The following GREB1L variants were observed in gnomAD, a reference collection of about 807,000 sequenced individuals.
GREB1L encodes GREB1 like retinoic acid receptor coactivator, also known as GREB1-like protein.
Under a neutral mutation model 200.8 loss-of-function variants are expected in GREB1L, and 17 were observed. That is an observed-to-expected ratio of 0.08 (90% CI 0.06 to 0.13). GREB1L has a LOEUF of 0.13. Ranked by LOEUF, GREB1L falls within the 10% of genes least tolerant of loss-of-function variation. The pLI is 1.00. For synonymous variants in GREB1L, 789 were observed against 893.0 expected (o/e 0.88, Z 2.08); for missense variants, 1,657 against 2,367.7 (o/e 0.70, Z 6.23).
chr18:21,449,495 T>C lies in GREB1L; in HGVS notation c.1394-15T>C. 1 of 1,442,090 alleles carries C rather than the reference T, an allele frequency of 6.9e-7. No individual in the cohort carries two copies. Among genetic ancestry groups the C allele is most frequent in the Non-Finnish European group, 9.3e-7 (1 of 1,073,780 alleles). 89.3% of individuals were successfully genotyped at this position (1,442,090 alleles called of 1,614,324 possible). ...GTGATTCTTTAAATTCCAGCTGTAA[T>C]TCTCTTCTATATAGGTCCTGATCAG... On this transcript the variant is annotated splice_polypyrimidine_tract_variant and intron_variant, in intron 11 of 32. Coordinates refer to ENST00000424526, the MANE Select transcript of GREB1L (RefSeq NM_001142966.3).
In GREB1L at chr18:21,524,639, C is replaced by T. The variant is rs1260106422; in HGVS notation, c.*1818C>T. 6.6e-6 allele frequency: 1 copy of T among 152,152 alleles called. No individual in the cohort carries two copies. Among genetic ancestry groups the T allele is most frequent in the Non-Finnish European group, 1.5e-5 (1 of 68,014 alleles). 9.4% of individuals were successfully genotyped at this position (152,152 alleles called of 1,614,324 possible). The stretch of plus-strand genomic sequence containing the variant: ...GGCAAATAAAATACTTGAAAGAATT[C>T]TGAAACAATTGTACCTGGGGTGGAT... On this transcript the variant is annotated 3_prime_UTR_variant, in exon 33 of 33. Coordinates refer to ENST00000424526, the MANE Select transcript of GREB1L (RefSeq NM_001142966.3).
At chr18:21,378,256 C>T (rs1482284764) in intron 2 of GREB1L, among the ~76,000 whole-genome samples, 4 of 152,304 alleles carry the variant, frequency 2.6e-5, no homozygotes, top group Non-Finnish European at 4.4e-5. Context: ...ATTACACAGA[C>T]GTCCTTTGAA....
intron 1 of GREB1L, among the ~76,000 whole-genome samples, chr18:21,244,952 A>G (rs1425959312): frequency 6.6e-6 from 1 of 152,188 alleles, no homozygotes; most frequent in Non-Finnish European, 1.5e-5. Flanking sequence ...TTTAATTTAT[A>G]CTTCTCTGAA....
chr18:21,402,833 A>C (rs1167615271), intron 6 of GREB1L, among the ~76,000 whole-genome samples: 2 of 151,996 alleles, frequency 1.3e-5, no homozygotes, highest in South Asian at 2.1e-4. Flanking sequence ...TCATTTTTCT[A>C]ATAAAGAATA....
intron 1 of GREB1L, among the ~76,000 whole-genome samples, chr18:21,345,871 CAAA>C (rs34189374): frequency 3.9e-5 from 3 of 76,168 alleles, no homozygotes; most frequent in Non-Finnish European, 5.3e-5. Flanking sequence ...GACTCCATCT[CAAA>C]AAAAAAAAAA....
intron 1 of GREB1L, among the ~76,000 whole-genome samples, chr18:21,268,556 CACACAT>C (rs1380510488): frequency 4.8e-4 from 46 of 95,730 alleles, no homozygotes; most frequent in East Asian, 2.3e-3. Context: ...CACACACACA[CACACAT>C]ATATATATAT....
At chr18:21,268,544 CACACACACACACACACATATAT>C (rs1306360652) in intron 1 of GREB1L, among the ~76,000 whole-genome samples, 1 of 96,968 alleles carries the variant, frequency 1.0e-5, no homozygotes, top group Non-Finnish European at 1.9e-5. Context: ...CACACACACA[CACACACACACACACACATATAT>C]ATATATATAT....
At chr18:21,332,309 T>C (rs908893006) in intron 1 of GREB1L, among the ~76,000 whole-genome samples, 10 of 152,198 alleles carry the variant, frequency 6.6e-5, no homozygotes, top group Non-Finnish European at 7.3e-5. Flanking sequence ...TCACTTTTTA[T>C]ACAAATGGAG....
At chr18:21,449,322 G>A (rs2145399608) in intron 11 of GREB1L, among the ~76,000 whole-genome samples, 188 bp from the exon 12 acceptor site, 1 of 152,188 alleles carries the variant, frequency 6.6e-6, no homozygotes, top group East Asian at 1.9e-4. Flanking sequence ...GAGGCAGAAA[G>A]AAAAATAATT....
chr18:21,444,993 T>G (rs1287438538), intron 11 of GREB1L, among the ~76,000 whole-genome samples: 1 of 152,208 alleles, frequency 6.6e-6, no homozygotes, highest in Non-Finnish European at 1.5e-5. Context: ...ATGTAGGTCA[T>G]GAACCCTTCA....
At chr18:21,265,525 T>G (rs2037953118) in intron 1 of GREB1L, among the ~76,000 whole-genome samples, 1 of 152,184 alleles carries the variant, frequency 6.6e-6, no homozygotes, top group Non-Finnish European at 1.5e-5. Flanking sequence ...TGATTTGTCT[T>G]GATAGATTAG....
At chr18:21,296,903 C>T (rs2038537357) in intron 1 of GREB1L, among the ~76,000 whole-genome samples, 1 of 152,178 alleles carries the variant, frequency 6.6e-6, no homozygotes, top group Non-Finnish European at 1.5e-5. Flanking sequence ...GAGCCACCCT[C>T]CTCGGCCTCC....
chr18:21,255,122 A>C (rs1420817217), intron 1 of GREB1L, among the ~76,000 whole-genome samples: 3 of 152,192 alleles, frequency 2.0e-5, no homozygotes, highest in Non-Finnish European at 4.4e-5. Context: ...GAATTTACTT[A>C]GTTCCCTTCA....
chr18:21,504,694 T>C (rs759859867), intron 23 of GREB1L, among the ~76,000 whole-genome samples: 2 of 152,192 alleles, frequency 1.3e-5, no homozygotes, highest in Non-Finnish European at 2.9e-5. Flanking sequence ...CTGGGCATGG[T>C]GGCACGTGCC....
intron 1 of GREB1L, among the ~76,000 whole-genome samples, chr18:21,344,704 A>G (rs1022015817): frequency 6.6e-6 from 1 of 152,240 alleles, no homozygotes; most frequent in African/African-American, 2.4e-5. Flanking sequence ...TTTTAATACA[A>G]CTTCGTAGGC....
intron 1 of GREB1L, among the ~76,000 whole-genome samples, chr18:21,350,241 T>TC: frequency 6.7e-6 from 1 of 148,998 alleles, no homozygotes; most frequent in Middle Eastern, 3.5e-3. Context: ...TTTCTTTCTT[T>TC]TTTTTTTTTT....
rs202008505 is a variant in GREB1L, at chr18:21,278,683, GT to G, written c.-120+36291del. On this transcript the variant is annotated intron_variant, in intron 1 of 32. Coordinates refer to ENST00000424526, the MANE Select transcript of GREB1L (RefSeq NM_001142966.3). ...AAGATATGCAACCAAAAAAACACCAGTCATGTGGTAGATGTGTAGAAAAATT... is the reference window on the plus strand; with the variant it reads ...AAGATATGCAACCAAAAAAACACCAGCATGTGGTAGATGTGTAGAAAAATT... Among the ~76,000 whole-genome samples the G allele has an allele frequency of 9.4e-3, 1,426 of 152,140 alleles. 17 individuals are homozygous for G. Among genetic ancestry groups the G allele is most frequent in the African/African-American group, 0.031 (1,300 of 41,526 alleles).
At chr18:21,327,619 G>A (rs959025330) in intron 1 of GREB1L, among the ~76,000 whole-genome samples, 21 of 149,596 alleles carry the variant, frequency 1.4e-4, no homozygotes, top group Non-Finnish European at 3.0e-4. Context: ...ATTCTTTTGA[G>A]TACAGTCTTC....
At chr18:21,496,803 G>C in intron 21 of GREB1L, 105 bp downstream of exon 21, 1 of 1,294,428 alleles carries the variant, frequency 7.7e-7, no homozygotes, top group Non-Finnish European at 1.0e-6. Context: ...GGCCTTCAGA[G>C]GAGCCTTCAG....
Sources: gnomAD v4.1 joint callset for allele counts (sites outside exome capture counted in the v4.1 genomes callset) on GRCh38, gnomAD v4.1.1 for gene constraint, MANE v1.5 for transcripts, NCBI Gene and HGNC (gene_info 2026-07-23, HGNC 2026-07-21) for gene names.